The following DNM3 variants were observed in gnomAD, a reference collection of about 807,000 sequenced individuals.
The protein encoded by DNM3 is dynamin 3, also known as dynamin-3.
A neutral mutation model predicts 101.6 loss-of-function variants in DNM3; 47 were observed. The ratio of observed to expected loss-of-function variants is 0.46; its 90% CI spans 0.37 to 0.59. The LOEUF (loss-of-function observed/expected upper bound fraction) is 0.59. Among genes scored for constraint, DNM3 ranks in the 20% least tolerant of loss-of-function variants. The pLI is 0.00. For synonymous variants in DNM3, 385 were observed against 387.9 expected (o/e 0.99, Z 0.09); for missense variants, 849 against 1,085.7 (o/e 0.78, Z 3.06).
intron 1 of DNM3, among the ~76,000 whole-genome samples, chr1:171,875,810 T>G (rs2035710430): frequency 8.8e-6 from 1 of 113,662 alleles, no homozygotes. Flanking sequence ...AAGAGTTGTC[T>G]CTCTTTTTTT....
At chr1:172,201,231 C>T (rs2148485246) in intron 14 of DNM3, among the ~76,000 whole-genome samples, 1 of 152,214 alleles carries the variant, frequency 6.6e-6, no homozygotes, top group South Asian at 2.1e-4. Context: ...AGTCATGTGG[C>T]TCCCCTATGT....
intron 10 of DNM3, among the ~76,000 whole-genome samples, chr1:172,052,989 A>G (rs1287991186): frequency 6.6e-6 from 1 of 152,072 alleles, no homozygotes; most frequent in African/African-American, 2.4e-5. Context: ...CCCCTAACTG[A>G]TCTATTTCTA....
At chr1:172,010,608 T>C (rs970063831) in intron 4 of DNM3, among the ~76,000 whole-genome samples, 1 of 143,352 alleles carries the variant, frequency 7.0e-6, no homozygotes, top group African/African-American at 2.6e-5. Context: ...TCTGCTATTA[T>C]GGCTATTTTT....
chr1:172,235,201 C>G (rs1362323819), intron 14 of DNM3, among the ~76,000 whole-genome samples: 1 of 152,210 alleles, frequency 6.6e-6, no homozygotes, highest in Non-Finnish European at 1.5e-5. Context: ...TGAGCAGACA[C>G]TTCTCAAAAG....
intron 14 of DNM3, among the ~76,000 whole-genome samples, chr1:172,149,710 T>C (rs2058056765): frequency 1.3e-5 from 2 of 152,182 alleles, no homozygotes; most frequent in South Asian, 4.1e-4. Context: ...TGACTCCTGA[T>C]GTCTTTTGGC....
intron 3 of DNM3, 83 bp downstream of exon 3, chr1:171,987,888 T>C (rs542533865): frequency 3.8e-6 from 5 of 1,328,228 alleles, no homozygotes; most frequent in Middle Eastern, 2.0e-4. Context: ...GTACAGAAGA[T>C]ACAAATAGTG....
intron 10 of DNM3, among the ~76,000 whole-genome samples, chr1:172,061,671 G>T (rs1412832219): frequency 7.0e-6 from 1 of 142,628 alleles, no homozygotes; most frequent in South Asian, 2.3e-4. Context: ...ACACAGGAAG[G>T]GGAACATCAC....
chr1:172,286,401 G>A (rs1045017234), intron 15 of DNM3, among the ~76,000 whole-genome samples: 9 of 151,990 alleles, frequency 5.9e-5, no homozygotes, highest in African/African-American at 9.7e-5. Flanking sequence ...ATTGCTTTGC[G>A]CTAAATGAAA....
chr1:172,289,829 T>C lies in DNM3; in HGVS notation c.1770-18899T>C, dbSNP rs2063834607. On this transcript the variant is annotated intron_variant, in intron 15 of 20. Transcript: ENST00000627582. Reference sequence around the variant, plus strand: ...AATTTGCATGGAGTTTTAATTTATCTGAAGTGGTTTTGTTGTTCTTTCCTA... The same window carrying C: ...AATTTGCATGGAGTTTTAATTTATCCGAAGTGGTTTTGTTGTTCTTTCCTA... 5 of 983,818 alleles carry C rather than the reference T, an allele frequency of 5.1e-6. No homozygotes were observed. The South Asian group carries it at 2.4e-4, about 46-fold the overall frequency. 60.9% of individuals were successfully genotyped at this position (983,818 alleles called of 1,614,324 possible).
chr1:171,969,846 T>A (rs2043860702), intron 2 of DNM3, among the ~76,000 whole-genome samples: 1 of 152,154 alleles, frequency 6.6e-6, no homozygotes, highest in South Asian at 2.1e-4. Context: ...ACTATCCCCA[T>A]TTTACATAGA....
intron 16 of DNM3, among the ~76,000 whole-genome samples, chr1:172,317,283 G>C (rs2148896851): frequency 6.6e-6 from 1 of 151,582 alleles, no homozygotes; most frequent in South Asian, 2.1e-4. Flanking sequence ...ATAAGAGAAA[G>C]CAGGAAAGAT....
At position 172,177,156 on chromosome 1, in the gene DNM3, T is replaced by G. The variant is rs971254605; in HGVS notation, c.1659+45868T>G. On this transcript the variant is annotated intron_variant, in intron 14 of 20. Coordinates refer to ENST00000627582, the MANE Select transcript of DNM3 (RefSeq NM_015569.5). ...TCCAGTAAGAGCCAGTTTTTCAAAG[T>G]TTCTTTTGCAGTAGTCCTCTCTTAT... Among the ~76,000 whole-genome samples, 47 of 151,874 alleles carry G rather than the reference T, an allele frequency of 3.1e-4. 1 individual carries two copies. Among genetic ancestry groups the G allele is most frequent in the African/African-American group, 1.1e-3 (46 of 41,488 alleles).
At chr1:172,273,837 T>G (rs1214605941) in intron 15 of DNM3, among the ~76,000 whole-genome samples, 2 of 151,946 alleles carry the variant, frequency 1.3e-5, no homozygotes, top group Non-Finnish European at 2.9e-5. Context: ...CCTGAAAGAG[T>G]CCTGTGTACC....
intron 13 of DNM3, among the ~76,000 whole-genome samples, chr1:172,121,256 C>A (rs1264622453): frequency 6.6e-6 from 1 of 152,108 alleles, no homozygotes; most frequent in East Asian, 1.9e-4. Flanking sequence ...TGGTTAATGG[C>A]CTGGATCTTA....
In DNM3 at chr1:172,037,900, C is replaced by T. The variant is rs553003538; in HGVS notation, c.850-419C>T. On this transcript the variant is annotated intron_variant, in intron 6 of 20. Coordinates refer to ENST00000627582, the MANE Select transcript of DNM3 (RefSeq NM_015569.5). ...CATCAGTGTGGTAAACCACTTAGTC[C>T]TGAGAACACCGGGTAGCAGCTGTGA... Among the ~76,000 whole-genome samples, 3 of 152,314 alleles carry T rather than the reference C, an allele frequency of 2.0e-5. No homozygotes were observed. The South Asian group carries it at 6.2e-4, about 32-fold the overall frequency.
At chr1:172,268,246 G>C (rs930534764) in intron 15 of DNM3, among the ~76,000 whole-genome samples, 2 of 150,894 alleles carry the variant, frequency 1.3e-5, no homozygotes, top group African/African-American at 4.9e-5. Flanking sequence ...TTAAGGGGCT[G>C]GATAGGAATA....
At chr1:171,845,300 G>C (rs1338513648) in intron 1 of DNM3, among the ~76,000 whole-genome samples, 1 of 152,210 alleles carries the variant, frequency 6.6e-6, no homozygotes, top group Non-Finnish European at 1.5e-5. Context: ...TATAACCCCA[G>C]TATTTGGGGA....
chr1:172,227,011 A>G (rs1013223752), intron 14 of DNM3, among the ~76,000 whole-genome samples: 1 of 151,714 alleles, frequency 6.6e-6, no homozygotes, highest in African/African-American at 2.4e-5. Context: ...TCTCCCATGT[A>G]GTATACACTG....
intron 13 of DNM3, among the ~76,000 whole-genome samples, chr1:172,106,753 C>T (rs1168294059): frequency 6.2e-5 from 9 of 145,520 alleles, no homozygotes; most frequent in South Asian, 2.2e-4. Context: ...AGAAAACATT[C>T]TTGCTTTTAT....
Sources: gnomAD v4.1 joint callset for allele counts (sites outside exome capture counted in the v4.1 genomes callset) on GRCh38, gnomAD v4.1.1 for gene constraint, MANE v1.5 for transcripts, NCBI Gene and HGNC (gene_info 2026-07-23, HGNC 2026-07-21) for gene names.